The following ATP8A2 variants were observed in gnomAD, a reference collection of about 807,000 sequenced individuals.
ATP8A2 encodes the protein phospholipid-transporting ATPase IB.
In ATP8A2, 100 loss-of-function variants were observed where a neutral mutation model predicts 165.6. The observed-to-expected ratio is 0.60, with a 90% CI of 0.51 to 0.71. The LOEUF (loss-of-function observed/expected upper bound fraction) is 0.71. Ranked by LOEUF, ATP8A2 falls within the 30% of genes least tolerant of loss-of-function variation. ATP8A2 has a pLI of 0.00. For synonymous variants in ATP8A2, 543 were observed against 548.8 expected (o/e 0.99, Z 0.15); for missense variants, 1,227 against 1,479.5 (o/e 0.83, Z 2.80).
chr13:25,736,986 C>T (rs2043786050), intron 25 of ATP8A2, among the ~76,000 whole-genome samples: 1 of 152,104 alleles, frequency 6.6e-6, no homozygotes, highest in South Asian at 2.1e-4. Context: ...AGTCAACTGT[C>T]ACAGACATAA....
chr13:25,403,952 G>C (rs1008052985), intron 1 of ATP8A2, among the ~76,000 whole-genome samples: 3 of 152,102 alleles, frequency 2.0e-5, no homozygotes, highest in Non-Finnish European at 2.9e-5. Flanking sequence ...CTGCAGGAAG[G>C]GATCCATGCA....
At chr13:25,806,830 C>T (rs1950750679) in intron 27 of ATP8A2, among the ~76,000 whole-genome samples, 1 of 152,184 alleles carries the variant, frequency 6.6e-6, no homozygotes, top group African/African-American at 2.4e-5. Flanking sequence ...CATATCCTCA[C>T]CAGCACTTGT....
At chr13:25,730,059 G>T (rs1324964971) in intron 25 of ATP8A2, among the ~76,000 whole-genome samples, 2 of 148,276 alleles carry the variant, frequency 1.3e-5, no homozygotes, top group African/African-American at 2.6e-5. Context: ...GGAGGCCGAG[G>T]TGGGCAGATT....
intron 2 of ATP8A2, among the ~76,000 whole-genome samples, chr13:25,512,829 A>T: frequency 8.8e-6 from 1 of 113,286 alleles, no homozygotes; most frequent in South Asian, 3.2e-4. Flanking sequence ...GGCCGGGCAG[A>T]GGGGCTCCTC....
chr13:25,640,448 A>G (rs1368929345), intron 24 of ATP8A2, among the ~76,000 whole-genome samples: 1 of 152,344 alleles, frequency 6.6e-6, no homozygotes, highest in East Asian at 1.9e-4. Flanking sequence ...CAGAAATACA[A>G]ACTACCATCA....
intron 25 of ATP8A2, among the ~76,000 whole-genome samples, chr13:25,727,412 C>T (rs9553651): frequency 0.16 from 24,000 of 152,082 alleles, 2,034 homozygotes; most frequent in South Asian, 0.19. Context: ...CTTTTGTCAA[C>T]GCCAAGGGAG....
At chr13:25,423,771 C>A (rs1471941575) in intron 1 of ATP8A2, among the ~76,000 whole-genome samples, 4 of 152,152 alleles carry the variant, frequency 2.6e-5, no homozygotes, top group African/African-American at 9.7e-5. Context: ...ATAGATCTTT[C>A]CTTACAACAA....
chr13:25,802,957 G>GT (rs80079935), intron 27 of ATP8A2, among the ~76,000 whole-genome samples: 6,204 of 135,970 alleles, frequency 0.046, 151 homozygotes, highest in African/African-American at 0.056. Context: ...TCAAAGGTGA[G>GT]TTTTTTTTTT....
At chr13:25,839,669 C>T (rs753082166) in intron 30 of ATP8A2, 45 bp downstream of exon 30, 29 of 1,490,782 alleles carry the variant, frequency 1.9e-5, no homozygotes, top group South Asian at 3.4e-5. Context: ...GCTTTGCAGC[C>T]GCTCTGCTGC....
At chr13:25,980,750 A>G (rs1275499166) in intron 35 of ATP8A2, among the ~76,000 whole-genome samples, 3 of 152,168 alleles carry the variant, frequency 2.0e-5, no homozygotes, top group Admixed American at 6.5e-5. Context: ...ATGCACCTGT[A>G]TTCCCAGCTA....
At chr13:25,665,076 A>G (rs1002444377) in intron 24 of ATP8A2, among the ~76,000 whole-genome samples, 17 of 152,032 alleles carry the variant, frequency 1.1e-4, no homozygotes, top group Non-Finnish European at 2.2e-4. Flanking sequence ...AGGCAGCAGA[A>G]GCAACAAAGG....
chr13:25,739,968 C>T (rs1183964287), intron 25 of ATP8A2, among the ~76,000 whole-genome samples: 1 of 152,174 alleles, frequency 6.6e-6, no homozygotes, highest in African/African-American at 2.4e-5. Context: ...CACAACAGTC[C>T]ACCACAGTGG....
chr13:25,795,267 C>A (rs907925093), intron 27 of ATP8A2, among the ~76,000 whole-genome samples: 97 of 152,132 alleles, frequency 6.4e-4, no homozygotes, highest in African/African-American at 2.2e-3. Context: ...ATATCCCTCA[C>A]TATTTTTGAG....
At chr13:25,622,611 T>C (rs567886922) in intron 24 of ATP8A2, among the ~76,000 whole-genome samples, 1 of 152,306 alleles carries the variant, frequency 6.6e-6, no homozygotes, top group Non-Finnish European at 1.5e-5. Context: ...TTTTAAGTGC[T>C]GACAGGAGGC....
intron 24 of ATP8A2, among the ~76,000 whole-genome samples, chr13:25,660,065 C>T (rs2042016789): frequency 1.3e-5 from 2 of 152,094 alleles, no homozygotes; most frequent in South Asian, 4.1e-4. Context: ...TACTATCAGG[C>T]CCTTTATGTT....
intron 1 of ATP8A2, among the ~76,000 whole-genome samples, chr13:25,461,480 T>C (rs10492698): frequency 0.011 from 1,707 of 152,304 alleles, 38 homozygotes; most frequent in African/African-American, 0.039. Flanking sequence ...GCGGAATGTA[T>C]GTGTATATGC....
At chr13:26,000,096 T>A (rs1956604189) in intron 35 of ATP8A2, among the ~76,000 whole-genome samples, 1 of 152,200 alleles carries the variant, frequency 6.6e-6, no homozygotes, top group Admixed American at 6.5e-5. Context: ...AATATCATTC[T>A]CTAATAAAGC....
At chr13:25,465,811 A>T (rs1350568464) in intron 1 of ATP8A2, among the ~76,000 whole-genome samples, 2 of 76,946 alleles carry the variant, frequency 2.6e-5, no homozygotes, top group Non-Finnish European at 5.9e-5. Flanking sequence ...TTTGGTAGAG[A>T]TGAGGTCTTG....
chr13:25,637,624 T>C (rs1356776518), intron 24 of ATP8A2, among the ~76,000 whole-genome samples: 1 of 152,100 alleles, frequency 6.6e-6, no homozygotes, highest in African/African-American at 2.4e-5. Flanking sequence ...TCAAACTGTG[T>C]GGAGCCTGTT....
Sources: gnomAD v4.1 joint callset for allele counts (sites outside exome capture counted in the v4.1 genomes callset) on GRCh38, gnomAD v4.1.1 for gene constraint, MANE v1.5 for transcripts, NCBI Gene and HGNC (gene_info 2026-07-23, HGNC 2026-07-21) for gene names.